The following SLC2A9 variants were observed in gnomAD, a reference collection of about 807,000 sequenced individuals.
SLC2A9 encodes solute carrier family 2 member 9, also known as solute carrier family 2, facilitated glucose transporter member 9.
SLC2A9 carries 39 observed loss-of-function variants against 50.6 expected under a neutral mutation model. The ratio of observed to expected loss-of-function variants is 0.77; its 90% CI spans 0.60 to 1.01. The LOEUF (loss-of-function observed/expected upper bound fraction) is 1.01. Ranked by LOEUF, SLC2A9 falls within the 50% of genes least tolerant of loss-of-function variation. The pLI is 0.00. For missense variants in SLC2A9, 686 were observed against 677.6 expected, an observed-to-expected ratio of 1.01 and a Z score of -0.14; for synonymous variants, 324 against 276.9, an observed-to-expected ratio of 1.17 and a Z score of -1.69.
intron 3 of SLC2A9, chr4:9,782,769 G>A (rs774074172): frequency 1.9e-6 from 3 of 1,613,866 alleles, no homozygotes; most frequent in Non-Finnish European, 1.7e-6. Flanking sequence ...ACCTACACGC[G>A]CATCTACCGC....
chr4:9,830,260 G>C (rs1051936448), intron 11 of SLC2A9, among the ~76,000 whole-genome samples: 4 of 152,284 alleles, frequency 2.6e-5, no homozygotes, highest in South Asian at 2.1e-4. Flanking sequence ...AACTAACACA[G>C]GAACAGAAAA....
chr4:9,958,016 TA>T (rs1254535515), intron 5 of SLC2A9, among the ~76,000 whole-genome samples: 1 of 152,116 alleles, frequency 6.6e-6, no homozygotes, highest in East Asian at 1.9e-4. Flanking sequence ...AAGAAGATTC[TA>T]AAAGTTAACA....
At chr4:9,778,045 TTTCTTTCTTTCC>T (rs1233217314), downstream of SLC2A9, among the ~76,000 whole-genome samples, 85 of 21,902 alleles carry the variant, frequency 3.9e-3, no homozygotes, top group Non-Finnish European at 8.8e-3. Context: ...ATTTTCTTTC[TTTCTTTCTTTCC>T]TTCCTTCCTT....
intron 3 of SLC2A9, among the ~76,000 whole-genome samples, chr4:9,787,872 T>C (rs111870680): frequency 1.3e-5 from 2 of 152,204 alleles, no homozygotes; most frequent in African/African-American, 2.4e-5. Flanking sequence ...TGTTAATTAG[T>C]CCCATTACTA....
chr4:9,975,056 A>G (rs181513936), intron 5 of SLC2A9, among the ~76,000 whole-genome samples: 1 of 152,350 alleles, frequency 6.6e-6, no homozygotes, highest in East Asian at 1.9e-4. Context: ...TGCCATATGC[A>G]GAAGAATGTA....
At chr4:9,929,423 G>A (rs558247349) in intron 6 of SLC2A9, among the ~76,000 whole-genome samples, 255 of 152,364 alleles carry the variant, frequency 1.7e-3, no homozygotes, top group Middle Eastern at 6.8e-3. Context: ...TCCCACAGGG[G>A]AAGATGGGGC....
At chr4:9,898,535 G>A (rs1455794267) in intron 8 of SLC2A9, among the ~76,000 whole-genome samples, 6 of 152,226 alleles carry the variant, frequency 3.9e-5, no homozygotes, top group Non-Finnish European at 1.5e-5. Context: ...CATGGCAGGA[G>A]TTCCTGACTT....
At chr4:9,801,309 C>G (rs1435460387) in intron 3 of SLC2A9, among the ~76,000 whole-genome samples, 1 of 152,168 alleles carries the variant, frequency 6.6e-6, no homozygotes, top group Non-Finnish European at 1.5e-5. Flanking sequence ...CCAGAAGACC[C>G]CCTCCTGGGC....
At position 9,874,862 on chromosome 4, in the gene SLC2A9, G is replaced by C. The variant is rs186220605; in HGVS notation, c.1291+12705C>G. On this transcript the variant is annotated intron_variant, in intron 10 of 11. Transcript: ENST00000264784. ...ATAAGTTAGTGTCTGTCTAATGTGG[G>C]ACGCTGTGTCTTTAGAAATGGCCAT... 2.6e-3 allele frequency among the ~76,000 whole-genome samples: 396 copies of C among 152,252 alleles called. 4 individuals are homozygous for C. Among genetic ancestry groups the C allele is most frequent in the African/African-American group, 9.2e-3 (380 of 41,474 alleles).
Position 10,020,039 on chromosome 4 carries a change from AGTGTGTGTGTGTGTGTGTGTGT to A in SLC2A9, c.151-988_151-967del, listed in dbSNP as rs112964589. On this transcript the variant is annotated intron_variant, in intron 1 of 11. Transcript: ENST00000264784. ...TTTGCCATCATTTGACATATTTGTG[AGTGTGTGTGTGTGTGTGTGTGT>A]GTGTGTGTGTGTTGTAGGCGCCAGG... Among the ~76,000 whole-genome samples the A allele has an allele frequency of 4.4e-3, 651 of 148,082 alleles. 18 individuals are homozygous for A. In the East Asian group the frequency reaches 0.063, roughly 14 times the overall value.
rs746971349 is a variant in SLC2A9 at position 9,826,524 on chromosome 4, A to G, written c.1496T>C (p.Leu499Pro). The G allele has an allele frequency of 6.2e-7, 1 of 1,614,140 alleles. No individual in the cohort carries two copies. Among genetic ancestry groups the G allele is most frequent in the South Asian group, 1.1e-5 (1 of 91,082 alleles). ...ITGAIYLYFV[L>P]PETKNRTYAE... Reference sequence around the variant, plus strand: ...ATAGGTTCTGTTTTTGGTCTCAGGCAGCACAAAATACAGGTAGATAGCACC... The same window carrying G: ...ATAGGTTCTGTTTTTGGTCTCAGGCGGCACAAAATACAGGTAGATAGCACC... Residue 499 changes from leucine (L) to proline (P), a missense_variant, in exon 12 of 12, where the codon CTG becomes CCG. By Grantham distance (98) the Leu-to-Pro change is moderately conservative. Transcript: ENST00000264784.
chr4:9,928,149 G>A (rs1348997618), intron 6 of SLC2A9, among the ~76,000 whole-genome samples: 1 of 152,092 alleles, frequency 6.6e-6, no homozygotes, highest in Non-Finnish European at 1.5e-5. Context: ...CAAATTAAAG[G>A]TAAAACTAAC....
chr4:9,993,829 C>G (rs1463502750), intron 3 of SLC2A9, among the ~76,000 whole-genome samples: 1 of 152,190 alleles, frequency 6.6e-6, no homozygotes, highest in Non-Finnish European at 1.5e-5. Context: ...TGTGGTATGG[C>G]CCATCTCCAG....
At chr4:9,886,350 C>A (rs1278137012) in intron 10 of SLC2A9, among the ~76,000 whole-genome samples, 1 of 151,860 alleles carries the variant, frequency 6.6e-6, no homozygotes, top group African/African-American at 2.4e-5. Context: ...GTGTGTTCAT[C>A]CTCTAATTCG....
At chr4:10,024,726 T>C (rs1423720129), upstream of SLC2A9, among the ~76,000 whole-genome samples, 2 of 152,200 alleles carry the variant, frequency 1.3e-5, no homozygotes, top group Non-Finnish European at 2.9e-5. Flanking sequence ...AGGCATCACT[T>C]CTGGAACTGA....
chr4:9,939,196 T>TAAGGCC (rs889914611), intron 6 of SLC2A9, among the ~76,000 whole-genome samples: 2 of 152,140 alleles, frequency 1.3e-5, no homozygotes, highest in African/African-American at 4.8e-5. Flanking sequence ...TGAACAGAGC[T>TAAGGCC]AAGGCCAACC....
chr4:9,995,951 A>G (rs938254782), intron 3 of SLC2A9: 1 of 152,408 alleles, frequency 6.6e-6, no homozygotes, highest in Non-Finnish European at 1.5e-5. Context: ...CTTTCCACAC[A>G]CTGCTCACTG....
At chr4:9,969,219 A>G (rs1427944757) in intron 5 of SLC2A9, among the ~76,000 whole-genome samples, 1 of 152,146 alleles carries the variant, frequency 6.6e-6, no homozygotes, top group Admixed American at 6.6e-5. Context: ...AGTTACATTT[A>G]TGGATATGTT....
chr4:9,996,872 T>A lies in SLC2A9; in HGVS notation c.319A>T (p.Thr107Ser). Residue 107 changes from threonine to serine, a missense_variant, in exon 3 of 12, where the codon ACT becomes TCT. Physicochemically the swap from Thr to Ser is moderately conservative, Grantham distance 58 (BLOSUM62 1). Coordinates refer to ENST00000264784, the MANE Select transcript of SLC2A9 (RefSeq NM_020041.3). Reference protein sequence around the residue: ...HGRPIDPDTLTLLWSVTVSIF... With the variant: ...HGRPIDPDTLSLLWSVTVSIF... ...GACACAGTCACAGACCAGAGCAAAG[T>A]CAGAGTGTCTGGGTCTATTGGACGT... 1 of 1,614,118 alleles carries A rather than the reference T, an allele frequency of 6.2e-7. No individual in the cohort carries two copies. Among genetic ancestry groups the A allele is most frequent in the African/African-American group, 1.3e-5 (1 of 75,046 alleles).
Sources: allele counts gnomAD v4.1 joint callset (sites outside exome capture counted in the v4.1 genomes callset), GRCh38; gene constraint gnomAD v4.1.1; transcripts MANE v1.5; gene names NCBI Gene and HGNC (gene_info 2026-07-23, HGNC 2026-07-21).